ARHGEF19: variants seen among roughly 807,000 people sequenced by gnomAD.
ARHGEF19 encodes Rho guanine nucleotide exchange factor 19.
Under a neutral mutation model 87.6 loss-of-function variants are expected in ARHGEF19, and 92 were observed. The observed-to-expected ratio is 1.05, with a 90% CI of 0.89 to 1.25. The LOEUF (loss-of-function observed/expected upper bound fraction) is 1.25, where lower values mean the gene tolerates loss of function less well. ARHGEF19 is among the 50% of genes most tolerant of loss of function. The probability of loss-of-function intolerance (pLI) is 0.00; values close to 1 mark genes in which losing one functional copy is unlikely to be tolerated. For synonymous variants in ARHGEF19, 438 were observed against 446.2 expected (o/e 0.98, Z 0.23); for missense variants, 1,054 against 1,051.8 (o/e 1.00, Z -0.03).
chr1:16,200,922 G>A (rs1053011431), intron 14 of ARHGEF19, among the ~76,000 whole-genome samples: 3 of 150,322 alleles, frequency 2.0e-5, no homozygotes, highest in African/African-American at 7.3e-5. Context: ...ATAAATAAAG[G>A]CCTCCAATAA....
Position 16,205,854 on chromosome 1 carries a change from G to A in ARHGEF19, c.1451+77C>T, listed in dbSNP as rs1010320796. On this transcript the variant is annotated intron_variant, in intron 8 of 15. Coordinates refer to ENST00000270747, the MANE Select transcript of ARHGEF19 (RefSeq NM_153213.5). This position sits in a 1 kb window ranked among gnomAD's most constrained non-coding sequence, Gnocchi z 5.8. ...CCCTCCCCTCCCAGAGTCACCTTAC[G>A]TCACCCAGCCCTCAGTGCCTACACC... The A allele has an allele frequency of 3.2e-5, 49 of 1,526,564 alleles. No individual in the cohort carries two copies. Among genetic ancestry groups the A allele is most frequent in the African/African-American group, 1.9e-4 (14 of 72,676 alleles). 94.6% of individuals were successfully genotyped at this position (1,526,564 alleles called of 1,614,324 possible).
In ARHGEF19 at chr1:16,206,613, C is replaced by G; in HGVS notation, c.1138-273G>C. 2.6e-6 allele frequency: 1 copy of G among 379,232 alleles called. No individual in the cohort carries two copies. Among genetic ancestry groups the G allele is most frequent in the Non-Finnish European group, 4.8e-6 (1 of 206,376 alleles). The allele number at this position is 379,232 out of a possible 1,614,324, so 23.5% of individuals were successfully genotyped here. A position where few individuals can be genotyped will look rare whatever the true frequency, so the allele number is the denominator to read the frequency against. On this transcript the variant is annotated intron_variant, in intron 6 of 15. Coordinates refer to ENST00000270747, the MANE Select transcript of ARHGEF19 (RefSeq NM_153213.5). The surrounding 1 kb of genome is among the most constrained non-coding windows in gnomAD (Gnocchi z 4.6). ...CCACCCCCCAGGTCCCGCCCCTGAT[C>G]CTGGCCCCGCCTTGTTCCGCGCCCA...
chr1:16,200,157 G>C (rs2081072086), intron 14 of ARHGEF19, among the ~76,000 whole-genome samples: 2 of 152,192 alleles, frequency 1.3e-5, no homozygotes, highest in Admixed American at 1.3e-4. Context: ...CTTTTCATTA[G>C]ACCAGGTGGG....
chr1:16,212,220 C>T (rs2081203998), intron 1 of ARHGEF19, among the ~76,000 whole-genome samples: 1 of 152,162 alleles, frequency 6.6e-6, no homozygotes, highest in African/African-American at 2.4e-5. Context: ...GTGTTTCTGG[C>T]CTCCTGTACC....
chr1:16,205,529 T>C lies in ARHGEF19; in HGVS notation c.1581+9A>G. ...CCAGCCCTCACTGTGGCCTGTCCCC[T>C]CGAGGTACCTCCACCAACATCTTGA... On this transcript the variant is annotated intron_variant, in intron 9 of 15. Coordinates refer to ENST00000270747, the MANE Select transcript of ARHGEF19 (RefSeq NM_153213.5). The surrounding 1 kb of genome is among the most constrained non-coding windows in gnomAD (Gnocchi z 5.8). 1 of 1,613,872 alleles carries C rather than the reference T, an allele frequency of 6.2e-7. No individual in the cohort carries two copies. Among genetic ancestry groups the C allele is most frequent in the South Asian group, 1.1e-5 (1 of 91,062 alleles).
At position 16,198,267 on chromosome 1, in the gene ARHGEF19, A is replaced by C. The variant is rs1331961177; in HGVS notation, c.*320T>G. ...GTTCCCCAGCCAGGTCCCTGCCAGAAGGACCAAGAGTCAGGCAGGATTGAG... is the reference window on the plus strand; with the variant it reads ...GTTCCCCAGCCAGGTCCCTGCCAGACGGACCAAGAGTCAGGCAGGATTGAG... On this transcript the variant is annotated 3_prime_UTR_variant, in exon 16 of 16. Coordinates refer to ENST00000270747, the MANE Select transcript of ARHGEF19 (RefSeq NM_153213.5). The surrounding 1 kb of genome is among the most constrained non-coding windows in gnomAD (Gnocchi z 4.1). 4.4e-6 allele frequency: 1 copy of C among 226,022 alleles called. No individual in the cohort carries two copies. The highest frequency in any genetic ancestry group is 5.6e-5 in the Admixed American group (1 of 17,838). The allele number at this position is 226,022 out of a possible 1,614,324, so 14.0% of individuals were successfully genotyped here. A position where few individuals can be genotyped will look rare whatever the true frequency, so the allele number is the denominator to read the frequency against.
rs1243840799 is a variant in ARHGEF19, at chr1:16,207,087, G to A, written c.998C>T (p.Ala333Val). 1.3e-6 allele frequency: 2 copies of A among 1,506,768 alleles called. No individual in the cohort carries two copies. The highest frequency in any genetic ancestry group is 2.2e-5 in the Admixed American group (1 of 45,586). The allele number at this position is 1,506,768 out of a possible 1,614,324, so 93.3% of individuals were successfully genotyped here. ...GAAGGAGCTGCTGGGGGAGAGGTTG[G>A]CCCGCGGCGGCCCCGGCCCCTCCTC... ...GAEEGPGPPR[A>V]NLSPSSSFRA... is the part of the protein sequence containing the mutation. Residue 333 changes from alanine to valine, a missense_variant, in exon 6 of 16, where the codon GCC becomes GTC. Transcript: ENST00000270747. The surrounding 1 kb of genome is among the most constrained non-coding windows in gnomAD (Gnocchi z 4.0).
Position 16,202,636 on chromosome 1 carries a change from C to T in ARHGEF19, c.1908-62G>A, listed in dbSNP as rs770662423. 573 of 1,573,034 alleles carry T rather than the reference C, an allele frequency of 3.6e-4. 1 individual carries two copies. Among genetic ancestry groups the T allele is most frequent in the Non-Finnish European group, 4.7e-4 (549 of 1,156,234 alleles). On this transcript the variant is annotated intron_variant, in intron 12 of 15. Transcript: ENST00000270747. ...GGCCCTGGCTCTAGGCACCCACCCT[C>T]GGGATCAGGTGGGTTCTGACTGGAA...
chr1:16,207,830 T>C lies in ARHGEF19; in HGVS notation c.695-53A>G, dbSNP rs1569715968. 2.5e-6 allele frequency: 4 copies of C among 1,596,014 alleles called. No individual in the cohort carries two copies. In the East Asian group the frequency reaches 9.0e-5, roughly 36 times the overall value. ...GGGTCCAGAGAGTGGGCCTGGGGCC[T>C]GGGCCCCGGCCCAGGCACCCTGACG... is the stretch of plus-strand genomic sequence containing the variant. On this transcript the variant is annotated intron_variant, in intron 3 of 15. Transcript: ENST00000270747. The surrounding 1 kb of genome is among the most constrained non-coding windows in gnomAD (Gnocchi z 4.0).
chr1:16,208,679 G>C lies in ARHGEF19; in HGVS notation c.376C>G (p.Arg126Gly). The C allele has an allele frequency of 6.2e-7, 1 of 1,607,218 alleles. No homozygotes were observed. The highest frequency in any genetic ancestry group is 8.5e-7 in the Non-Finnish European group (1 of 1,177,890). Residue 126 changes from arginine to glycine, a missense_variant, in exon 2 of 16, where the codon CGC (arginine) becomes GGC (glycine). Coordinates refer to ENST00000270747, the MANE Select transcript of ARHGEF19 (RefSeq NM_153213.5). ...TTCTCCGAGCCGTGGCTGGCCCGGC[G>C]CTGTGGCTGTGTGTGTCGGGGACTC... ...PWSPRHTQPQ[R>G]RASHGSEKKS...
intron 1 of ARHGEF19, among the ~76,000 whole-genome samples, chr1:16,210,027 A>T (rs1309972430): frequency 6.6e-6 from 1 of 152,214 alleles, no homozygotes; most frequent in African/African-American, 2.4e-5. Flanking sequence ...GCAGGAAGTT[A>T]TCCCTGGGGA....
At chr1:16,204,039 T>C (rs942288204) in intron 12 of ARHGEF19, among the ~76,000 whole-genome samples, 5 of 152,214 alleles carry the variant, frequency 3.3e-5, no homozygotes, top group African/African-American at 1.2e-4. Flanking sequence ...GTCCATCCTT[T>C]TTTGTTTTAA....
intron 13 of ARHGEF19, 123 bp from the exon 14 acceptor site, chr1:16,201,984 G>A: frequency 1.5e-5 from 1 of 68,658 alleles, no homozygotes; most frequent in Non-Finnish European, 2.0e-5. Flanking sequence ...GCCTACCCTA[G>A]GGACCCATGT....
rs760949556 is a variant in ARHGEF19 at position 16,207,805 on chromosome 1, G to A, written c.695-28C>T. The A allele has an allele frequency of 6.2e-7, 1 of 1,611,668 alleles. No homozygotes were observed. The highest frequency in any genetic ancestry group is 1.7e-5 in the Admixed American group (1 of 60,006). On this transcript the variant is annotated intron_variant, in intron 3 of 15. Coordinates refer to ENST00000270747, the MANE Select transcript of ARHGEF19 (RefSeq NM_153213.5). The surrounding 1 kb of genome is among the most constrained non-coding windows in gnomAD (Gnocchi z 4.0). ...GGAGAGGGCGAGAACTGAGGGTGGG[G>A]GGTCCAGAGAGTGGGCCTGGGGCCT...
intron 1 of ARHGEF19, among the ~76,000 whole-genome samples, chr1:16,210,107 C>T (rs2081185645): frequency 6.6e-6 from 1 of 152,256 alleles, no homozygotes; most frequent in Non-Finnish European, 1.5e-5. Flanking sequence ...TGCCCTGTGG[C>T]CCTCTGCCAG....
rs1229301407 is a variant in ARHGEF19 at position 16,206,430 on chromosome 1, C to T, written c.1138-90G>A. 7.2e-7 allele frequency: 1 copy of T among 1,382,190 alleles called. No homozygotes were observed. The highest frequency in any genetic ancestry group is 1.0e-6 in the Non-Finnish European group (1 of 994,666). 85.6% of individuals were successfully genotyped at this position (1,382,190 alleles called of 1,614,324 possible). ...CATCCCCAGACCCCAGGACGCCACACCTCGCGTCCTCGCCCCTTCTCTAGC... is the reference window on the plus strand; with the variant it reads ...CATCCCCAGACCCCAGGACGCCACATCTCGCGTCCTCGCCCCTTCTCTAGC... On this transcript the variant is annotated intron_variant, in intron 6 of 15. Coordinates refer to ENST00000270747, the MANE Select transcript of ARHGEF19 (RefSeq NM_153213.5). This position sits in a 1 kb window ranked among gnomAD's most constrained non-coding sequence, Gnocchi z 4.6.
chr1:16,204,840 G>A lies in ARHGEF19; in HGVS notation c.1826C>T (p.Pro609Leu), dbSNP rs1183925105. 1.2e-6 allele frequency: 2 copies of A among 1,607,722 alleles called. No individual in the cohort carries two copies. Among genetic ancestry groups the A allele is most frequent in the South Asian group, 1.1e-5 (1 of 89,696 alleles). Reference sequence around the variant, plus strand: ...GCTGGACAGCTTCAGCTTGGCAGGGGGTGCTGCAGGCAGTGGTGCCAGCTC... The same window carrying A: ...GCTGGACAGCTTCAGCTTGGCAGGGAGTGCTGCAGGCAGTGGTGCCAGCTC... Reference protein sequence around the residue: ...LVELAPLPAAPPAKLKLSSKA... With the variant: ...LVELAPLPAALPAKLKLSSKA... Residue 609 changes from proline to leucine, a missense_variant, in exon 12 of 16, where the codon CCC becomes CTC. By Grantham distance (98) the Pro-to-Leu change is moderately conservative (BLOSUM62 -3). Transcript: ENST00000270747.
intron 14 of ARHGEF19, among the ~76,000 whole-genome samples, chr1:16,200,849 A>T (rs908762711): frequency 3.3e-5 from 5 of 152,020 alleles, no homozygotes; most frequent in Non-Finnish European, 7.4e-5. Context: ...TGCAATGAGC[A>T]GAGATTGTGC....
chr1:16,198,482 G>A lies in ARHGEF19; in HGVS notation c.*105C>T, dbSNP rs560286239. ...TGCCCTCAATGCCAAGGCCACAGAA[G>A]CGAAGTGCCAGCAGGAGCAGCTTGG... On this transcript the variant is annotated 3_prime_UTR_variant, in exon 16 of 16. Coordinates refer to ENST00000270747, the MANE Select transcript of ARHGEF19 (RefSeq NM_153213.5). This position sits in a 1 kb window ranked among gnomAD's most constrained non-coding sequence, Gnocchi z 4.1. 1.4e-6 allele frequency: 2 copies of A among 1,412,534 alleles called. No individual in the cohort carries two copies. Among genetic ancestry groups the A allele is most frequent in the South Asian group, 1.6e-5 (1 of 61,234 alleles). 87.5% of individuals were successfully genotyped at this position (1,412,534 alleles called of 1,614,324 possible).
Sources: allele counts gnomAD v4.1 joint callset (sites outside exome capture counted in the v4.1 genomes callset), GRCh38; gene constraint gnomAD v4.1.1; non-coding constraint Gnocchi (gnomAD v3.1); transcripts MANE v1.5; gene names NCBI Gene and HGNC (gene_info 2026-07-23, HGNC 2026-07-21).